EPB41L5: variants seen among roughly 807,000 people sequenced by gnomAD.
EPB41L5 encodes erythrocyte membrane protein band 4.1 like 5.
A neutral mutation model predicts 106.6 loss-of-function variants in EPB41L5; 55 were observed. That is an observed-to-expected ratio of 0.52 (90% confidence interval 0.42 to 0.65). EPB41L5 has a LOEUF of 0.65. Ranked by LOEUF, EPB41L5 falls within the 30% of genes least tolerant of loss-of-function variation. The pLI, the probability that EPB41L5 is intolerant of heterozygous loss-of-function variation, is 0.00. For missense variants in EPB41L5, 871 were observed against 882.1 expected (o/e 0.99, Z 0.16); for synonymous variants, 297 against 306.7 (o/e 0.97, Z 0.33).
At chr2:120,128,880 T>C (rs1685571679) in intron 17 of EPB41L5, among the ~76,000 whole-genome samples, 1 of 152,202 alleles carries the variant, frequency 6.6e-6, no homozygotes, top group Non-Finnish European at 1.5e-5. Context: ...CTCATGTACT[T>C]TCTCTGTAGT....
intron 5 of EPB41L5, among the ~76,000 whole-genome samples, chr2:120,075,010 T>A (rs552814299): frequency 6.6e-6 from 1 of 152,298 alleles, no homozygotes; most frequent in African/African-American, 2.4e-5. Context: ...CGTATTTTAA[T>A]AGAGACGGGG....
intron 3 of EPB41L5, among the ~76,000 whole-genome samples, chr2:120,043,115 A>T (rs1221441699): frequency 6.6e-6 from 1 of 151,106 alleles, no homozygotes; most frequent in Non-Finnish European, 1.5e-5. Context: ...GAATAATTTT[A>T]GCTGTCATTT....
At chr2:120,023,698 GT>G (rs1297759359) in intron 2 of EPB41L5, among the ~76,000 whole-genome samples, 1 of 152,170 alleles carries the variant, frequency 6.6e-6, no homozygotes, top group Non-Finnish European at 1.5e-5. Flanking sequence ...ATTTAAAGTA[GT>G]TTTTTCTAAT....
At chr2:120,133,894 C>T (rs1685811210) in intron 18 of EPB41L5, among the ~76,000 whole-genome samples, 1 of 152,124 alleles carries the variant, frequency 6.6e-6, no homozygotes, top group Admixed American at 6.5e-5. Flanking sequence ...AAGACTTTGT[C>T]TTGTAGCTTG....
chr2:120,172,746 G>A (rs111604430), intron 24 of EPB41L5, among the ~76,000 whole-genome samples: 1 of 152,290 alleles, frequency 6.6e-6, no homozygotes, highest in African/African-American at 2.4e-5. Flanking sequence ...CCAGAGAAAG[G>A]TGAAGGGAGG....
At chr2:120,138,383 A>G (rs941477702) in intron 18 of EPB41L5, among the ~76,000 whole-genome samples, 1 of 152,116 alleles carries the variant, frequency 6.6e-6, no homozygotes, top group African/African-American at 2.4e-5. Flanking sequence ...AAGGGCATCT[A>G]AATTGGAAAG....
chr2:120,136,524 TATAAAGACCC>T (rs916972085), intron 18 of EPB41L5, among the ~76,000 whole-genome samples: 1 of 148,148 alleles, frequency 6.8e-6, no homozygotes. Flanking sequence ...ACATTTTACC[TATAAAGACCC>T]ATAAAGACTG....
At chr2:120,029,515 C>T (rs1411160388) in intron 2 of EPB41L5, among the ~76,000 whole-genome samples, 2 of 152,114 alleles carry the variant, frequency 1.3e-5, no homozygotes, top group African/African-American at 4.8e-5. Flanking sequence ...GGAGGAAGAA[C>T]ATTCTAGGAG....
At chr2:120,051,100 G>C (rs533661004) in intron 3 of EPB41L5, among the ~76,000 whole-genome samples, 2 of 152,192 alleles carry the variant, frequency 1.3e-5, no homozygotes, top group Non-Finnish European at 2.9e-5. Context: ...GGCTACTCGG[G>C]GGTCAGGGAC....
intron 24 of EPB41L5, among the ~76,000 whole-genome samples, chr2:120,169,428 T>C (rs1162511946): frequency 6.6e-6 from 1 of 152,190 alleles, no homozygotes; most frequent in Non-Finnish European, 1.5e-5. Context: ...GACCTTAGAA[T>C]AGACAAAGAT....
intron 3 of EPB41L5, among the ~76,000 whole-genome samples, chr2:120,063,605 G>A (rs1681230075): frequency 6.6e-6 from 1 of 151,848 alleles, no homozygotes; most frequent in Non-Finnish European, 1.5e-5. Context: ...CGATTTACCT[G>A]TATAACAAAC....
intron 14 of EPB41L5, among the ~76,000 whole-genome samples, chr2:120,097,066 A>G (rs1271414162): frequency 6.6e-6 from 1 of 152,258 alleles, no homozygotes; most frequent in Non-Finnish European, 1.5e-5. Flanking sequence ...CTGGTAAAAT[A>G]TGAATATATA....
At chr2:120,139,671 G>A (rs913150927) in intron 18 of EPB41L5, among the ~76,000 whole-genome samples, 4 of 151,994 alleles carry the variant, frequency 2.6e-5, no homozygotes, top group African/African-American at 7.2e-5. Context: ...CCAAAAGACA[G>A]GCAATAATGA....
At chr2:120,050,009 T>C (rs1680113748) in intron 3 of EPB41L5, among the ~76,000 whole-genome samples, 1 of 152,214 alleles carries the variant, frequency 6.6e-6, no homozygotes, top group Non-Finnish European at 1.5e-5. Flanking sequence ...TCTTCTGGCT[T>C]GTAGAGTTTC....
At chr2:120,017,682 CTGTA>C (rs1677614982) in intron 1 of EPB41L5, among the ~76,000 whole-genome samples, 1 of 152,112 alleles carries the variant, frequency 6.6e-6, no homozygotes, top group Admixed American at 6.6e-5. Context: ...TATTTAAAAT[CTGTA>C]TGTAATAGAA....
At chr2:120,052,890 A>T (rs1713068) in intron 3 of EPB41L5, among the ~76,000 whole-genome samples, 39,693 of 152,014 alleles carry the variant, frequency 0.26, 5,596 homozygotes, top group African/African-American at 0.35. Flanking sequence ...GTCTAACACT[A>T]CAGGGCTTCT....
chr2:120,105,452 C>T (rs945551598), intron 16 of EPB41L5: 7 of 985,260 alleles, frequency 7.1e-6, no homozygotes, highest in Non-Finnish European at 8.4e-6. Flanking sequence ...ATCCTTCCTG[C>T]CAGACAAAGA....
At chr2:120,123,849 G>C (rs1203208767) in intron 16 of EPB41L5, among the ~76,000 whole-genome samples, 1 of 151,592 alleles carries the variant, frequency 6.6e-6, no homozygotes, top group Non-Finnish European at 1.5e-5. Flanking sequence ...GTAGAGATGG[G>C]GTTTTGCCAT....
At chr2:120,130,168 CT>C (rs1171380304) in intron 17 of EPB41L5, among the ~76,000 whole-genome samples, 1 of 151,062 alleles carries the variant, frequency 6.6e-6, no homozygotes, top group Non-Finnish European at 1.5e-5. Flanking sequence ...AAAAGGGTTC[CT>C]AAGAGTTAGT....
Sources: allele counts gnomAD v4.1 joint callset (sites outside exome capture counted in the v4.1 genomes callset), GRCh38; gene constraint gnomAD v4.1.1; transcripts MANE v1.5; gene names NCBI Gene and HGNC (gene_info 2026-07-23, HGNC 2026-07-21).